AJAP1: variants seen among roughly 807,000 people sequenced by gnomAD.
The protein encoded by AJAP1 is adherens junctions associated protein 1, also known as adherens junction-associated protein 1.
Under a neutral mutation model 35.0 loss-of-function variants are expected in AJAP1, and 5 were observed. The ratio of observed to expected loss-of-function variants is 0.14; its 90% CI spans 0.07 to 0.30. The LOEUF (loss-of-function observed/expected upper bound fraction) is 0.30, where lower values mean the gene tolerates loss of function less well. Ranked by LOEUF, AJAP1 falls within the 10% of genes least tolerant of loss-of-function variation. The pLI, the probability that AJAP1 is intolerant of heterozygous loss-of-function variation, is 1.00. For missense variants in AJAP1, 586 were observed against 571.0 expected (o/e 1.03, Z -0.27); for synonymous variants, 284 against 249.3 (o/e 1.14, Z -1.31).
chr1:4,703,696 T>C (rs75729099), intron 1 of AJAP1, among the ~76,000 whole-genome samples: 3,217 of 152,224 alleles, frequency 0.021, 92 homozygotes, highest in South Asian at 0.12. Context: ...TTTTATCCTA[T>C]CCAAAGATCA....
At chr1:4,681,043 C>T (rs904712008) in intron 1 of AJAP1, among the ~76,000 whole-genome samples, 2 of 152,110 alleles carry the variant, frequency 1.3e-5, no homozygotes, top group Non-Finnish European at 2.9e-5. Context: ...CTCTAGCACC[C>T]GTTATTGGTT....
At chr1:4,689,404 G>A (rs190879882) in intron 1 of AJAP1, among the ~76,000 whole-genome samples, 164 of 152,326 alleles carry the variant, frequency 1.1e-3, no homozygotes, top group African/African-American at 3.2e-3. Flanking sequence ...CCACCCACGA[G>A]GAGGCGGAGG....
rs947974265 is a variant in AJAP1 at position 4,787,372 on chromosome 1, G to C, written c.*4887G>C. On this transcript the variant is annotated 3_prime_UTR_variant, in exon 6 of 6. Coordinates refer to ENST00000378191, the MANE Select transcript of AJAP1 (RefSeq NM_018836.4). The stretch of plus-strand genomic sequence containing the variant: ...GAGAGTGGGGGGCATTGAAGGGGAA[G>C]AAAGAGAGGCAGGGGTTGTCTACGT... The C allele has an allele frequency of 1.2e-5, 3 of 253,754 alleles. No homozygotes were observed. The highest frequency in any genetic ancestry group is 6.9e-5 in the African/African-American group (3 of 43,206). 15.7% of individuals were successfully genotyped at this position (253,754 alleles called of 1,614,324 possible). A position where few individuals can be genotyped will look rare whatever the true frequency, so the allele number is the denominator to read the frequency against.
At chr1:4,666,962 T>G (rs1190998203) in intron 1 of AJAP1, among the ~76,000 whole-genome samples, 3 of 145,288 alleles carry the variant, frequency 2.1e-5, no homozygotes, top group African/African-American at 2.6e-5. Flanking sequence ...CACGGAGGGG[T>G]TGCAGAGAGG....
chr1:4,668,803 CA>C (rs1412540679), intron 1 of AJAP1, among the ~76,000 whole-genome samples: 1 of 152,212 alleles, frequency 6.6e-6, no homozygotes, highest in Non-Finnish European at 1.5e-5. Context: ...CTTCACTGTC[CA>C]GGCTTTCTTG....
intron 1 of AJAP1, among the ~76,000 whole-genome samples, chr1:4,672,472 A>C (rs1287284610): frequency 2.0e-5 from 3 of 152,066 alleles, no homozygotes; most frequent in Non-Finnish European, 2.9e-5. Context: ...TTCTATATAG[A>C]TGGGGAAATT....
chr1:4,781,559 G>A (rs1034867797), intron 5 of AJAP1, among the ~76,000 whole-genome samples: 3 of 152,336 alleles, frequency 2.0e-5, no homozygotes, highest in African/African-American at 4.8e-5. Context: ...GGGTACCCCC[G>A]CCCCATCCTA....
At chr1:4,744,225 T>C (rs375781) in intron 2 of AJAP1, among the ~76,000 whole-genome samples, 54,727 of 152,110 alleles carry the variant, frequency 0.36, 10,481 homozygotes, top group African/African-American at 0.45. Flanking sequence ...ATGGCAGGCG[T>C]GTCTCGTCTG....
rs1262611558 is a variant in AJAP1, at chr1:4,785,100, TG to T, written c.*2616del. ...CCCGAGGGACTCCTGGTATCTGCTC[TG>T]TCAACTCCCAGCTGCTCAGCCCCCT... On this transcript the variant is annotated 3_prime_UTR_variant, in exon 6 of 6. Transcript: ENST00000378191. 2 of 152,344 alleles carry T rather than the reference TG, an allele frequency of 1.3e-5. No individual in the cohort carries two copies. The highest frequency in any genetic ancestry group is 2.9e-5 in the Non-Finnish European group (2 of 68,140). The allele number at this position is 152,344 out of a possible 1,614,324, so 9.4% of individuals were successfully genotyped here. A position where few individuals can be genotyped will look rare whatever the true frequency, so the allele number is the denominator to read the frequency against.
chr1:4,725,310 G>A (rs1009449031), intron 2 of AJAP1, among the ~76,000 whole-genome samples: 1 of 152,196 alleles, frequency 6.6e-6, no homozygotes, highest in Non-Finnish European at 1.5e-5. Flanking sequence ...CCCGTGTGTG[G>A]GGAAGGGATG....
chr1:4,754,529 C>T (rs1280106520), intron 2 of AJAP1, among the ~76,000 whole-genome samples: 1 of 152,190 alleles, frequency 6.6e-6, no homozygotes, highest in Non-Finnish European at 1.5e-5. Flanking sequence ...TTCCAAGCTT[C>T]CCAGACCATG....
Position 4,720,359 on chromosome 1 carries a change from T to G in AJAP1, c.829+7660T>G, listed in dbSNP as rs1295302390. ...GAAAAAGCCTCCCTTTCCAGAAGTT[T>G]CTTTCAGCACTGGGGAAGCCAAGTT... On this transcript the variant is annotated intron_variant, in intron 2 of 5. Transcript: ENST00000378191. This position sits in a 1 kb window ranked among gnomAD's most constrained non-coding sequence, Gnocchi z 4.4. 6.6e-6 allele frequency among the ~76,000 whole-genome samples: 1 copy of G among 152,194 alleles called. No homozygotes were observed. The highest frequency in any genetic ancestry group is 1.5e-5 in the Non-Finnish European group (1 of 68,036).
At chr1:4,758,002 C>T (rs1641472604) in intron 2 of AJAP1, among the ~76,000 whole-genome samples, 1 of 152,058 alleles carries the variant, frequency 6.6e-6, no homozygotes, top group Admixed American at 6.5e-5. Flanking sequence ...TGAGTGAGTT[C>T]TCATTCTCAT....
chr1:4,749,894 G>T (rs1402003350), intron 2 of AJAP1, among the ~76,000 whole-genome samples: 1 of 152,194 alleles, frequency 6.6e-6, no homozygotes, highest in Non-Finnish European at 1.5e-5. Context: ...TTGCAAATGT[G>T]TGTGTGTTGG....
intron 2 of AJAP1, among the ~76,000 whole-genome samples, chr1:4,759,600 GCCTCTGGACTGGGTGCCTTCCTT>G (rs1641518574): frequency 6.6e-6 from 1 of 152,144 alleles, no homozygotes; most frequent in Non-Finnish European, 1.5e-5. Context: ...CTGTACGGGG[GCCTCTGGACTGGGTGCCTTCCTT>G]CCATGGCTTC....
intron 2 of AJAP1, among the ~76,000 whole-genome samples, chr1:4,748,448 A>G (rs1468107013): frequency 6.6e-6 from 1 of 152,096 alleles, no homozygotes; most frequent in African/African-American, 2.4e-5. Context: ...GTGGTCCTCA[A>G]AAATGGAACA....
intron 1 of AJAP1, among the ~76,000 whole-genome samples, chr1:4,666,653 G>A (rs1395607054): frequency 6.9e-6 from 1 of 144,264 alleles, no homozygotes; most frequent in Non-Finnish European, 1.5e-5. Context: ...TGCGGAGAGC[G>A]GGCCTGTGAT....
intron 5 of AJAP1, among the ~76,000 whole-genome samples, chr1:4,777,063 G>A (rs574009144): frequency 6.6e-5 from 10 of 152,316 alleles, no homozygotes; most frequent in South Asian, 4.1e-4. Flanking sequence ...GGGACAGACC[G>A]TTTACCACTC....
chr1:4,769,790 G>T, intron 2 of AJAP1, 63 bp from the exon 3 acceptor site: 1 of 1,437,526 alleles, frequency 7.0e-7, no homozygotes. Flanking sequence ...CACCTTTCCC[G>T]GCCCCCCTCG....
Sources: gnomAD v4.1 joint callset for allele counts (sites outside exome capture counted in the v4.1 genomes callset) on GRCh38, gnomAD v4.1.1 for gene constraint, Gnocchi (gnomAD v3.1) non-coding constraint, MANE v1.5 for transcripts, NCBI Gene and HGNC (gene_info 2026-07-23, HGNC 2026-07-21) for gene names.